The following LEF1 variants were observed in gnomAD, a reference collection of about 807,000 sequenced individuals.
LEF1 encodes the protein lymphoid enhancer binding factor 1.
LEF1 carries 14 observed loss-of-function variants against 51.2 expected under a neutral mutation model. The observed-to-expected ratio is 0.27, with a 90% confidence interval of 0.18 to 0.43. The LOEUF (loss-of-function observed/expected upper bound fraction) is 0.43, where lower values mean the gene tolerates loss of function less well. Ranked by LOEUF, LEF1 falls within the 20% of genes least tolerant of loss-of-function variation. The pLI is 1.00. For synonymous variants in LEF1, 185 were observed against 183.2 expected (o/e 1.01, Z -0.08); for missense variants, 386 against 512.0 (o/e 0.75, Z 2.37).
At chr4:108,079,105 A>G (rs143578160) in intron 7 of LEF1, among the ~76,000 whole-genome samples, 5 of 152,320 alleles carry the variant, frequency 3.3e-5, no homozygotes, top group Middle Eastern at 3.4e-3. Context: ...GGGTAACTGC[A>G]CTTCCAGAAG....
chr4:108,117,540 A>G (rs945388735), intron 3 of LEF1, among the ~76,000 whole-genome samples: 1 of 152,206 alleles, frequency 6.6e-6, no homozygotes, highest in Admixed American at 6.5e-5. Context: ...TGCTCAGAAA[A>G]TGGCTCCTAG....
At chr4:108,126,989 G>A (rs1158457272) in intron 3 of LEF1, among the ~76,000 whole-genome samples, 9 of 151,906 alleles carry the variant, frequency 5.9e-5, no homozygotes, top group African/African-American at 1.7e-4. Flanking sequence ...AATGAACAAC[G>A]TTCGATACAA....
intron 6 of LEF1, among the ~76,000 whole-genome samples, chr4:108,081,246 C>T (rs1057002406): frequency 2.0e-5 from 3 of 152,174 alleles, no homozygotes; most frequent in African/African-American, 4.8e-5. Context: ...ACCCCACCCC[C>T]GGCATATTTT....
intron 11 of LEF1, among the ~76,000 whole-genome samples, chr4:108,056,254 G>A (rs551148859): frequency 1.3e-5 from 2 of 152,356 alleles, no homozygotes; most frequent in South Asian, 2.1e-4. Context: ...GTCAATCTGG[G>A]AAGGGAAGGA....
chr4:108,092,933 A>C (rs1057117953), intron 3 of LEF1, among the ~76,000 whole-genome samples: 10 of 147,304 alleles, frequency 6.8e-5, no homozygotes, highest in East Asian at 3.9e-4. Context: ...AAAAAAAAAA[A>C]AAAAAAAAAA....
At chr4:108,061,121 C>T (rs998009561) in intron 11 of LEF1, among the ~76,000 whole-genome samples, 22 of 152,174 alleles carry the variant, frequency 1.4e-4, no homozygotes, top group African/African-American at 2.7e-4. Context: ...ATGACTGATC[C>T]GGGAATGAGA....
At chr4:108,132,340 A>G (rs188775816) in intron 3 of LEF1, among the ~76,000 whole-genome samples, 35 of 152,248 alleles carry the variant, frequency 2.3e-4, no homozygotes, top group Non-Finnish European at 2.1e-4. Context: ...TAAAGCACAT[A>G]CTTCCCAGAA....
intron 5 of LEF1, among the ~76,000 whole-genome samples, chr4:108,082,748 A>G (rs1739391212): frequency 1.3e-5 from 2 of 152,226 alleles, no homozygotes; most frequent in Non-Finnish European, 2.9e-5. Context: ...CATAATTGAA[A>G]AGATTTTGGA....
chr4:108,125,663 C>T (rs1742479899), intron 3 of LEF1, among the ~76,000 whole-genome samples: 1 of 151,136 alleles, frequency 6.6e-6, no homozygotes, highest in African/African-American at 2.4e-5. Context: ...GGGATTTTTA[C>T]AACTTTAAGT....
intron 11 of LEF1, among the ~76,000 whole-genome samples, chr4:108,057,243 C>A (rs1200203997): frequency 6.6e-6 from 1 of 152,066 alleles, no homozygotes; most frequent in Non-Finnish European, 1.5e-5. Context: ...TTAATTTTTA[C>A]CCTGAGACTT....
chr4:108,050,625 T>G (rs1179317740), intron 11 of LEF1, among the ~76,000 whole-genome samples: 3 of 152,236 alleles, frequency 2.0e-5, no homozygotes, highest in Non-Finnish European at 4.4e-5. Flanking sequence ...TTCAAAGGCT[T>G]GGTCCAGGTT....
chr4:108,096,396 G>A (rs376901990), intron 3 of LEF1, among the ~76,000 whole-genome samples: 4 of 152,144 alleles, frequency 2.6e-5, no homozygotes, highest in African/African-American at 9.7e-5. Context: ...GAATCCAATG[G>A]TTCATCTTTT....
chr4:108,133,473 T>C (rs1028541002), intron 3 of LEF1, among the ~76,000 whole-genome samples: 21 of 152,194 alleles, frequency 1.4e-4, no homozygotes, highest in African/African-American at 4.3e-4. Flanking sequence ...ATTCTCAGAA[T>C]GGGCCAGGGC....
chr4:108,109,985 C>G (rs1741421209), intron 3 of LEF1, among the ~76,000 whole-genome samples: 2 of 152,074 alleles, frequency 1.3e-5, no homozygotes, highest in Non-Finnish European at 2.9e-5. Context: ...ATTAGTTTCT[C>G]CCAGTATTTC....
chr4:108,131,558 G>A (rs998186569), intron 3 of LEF1, among the ~76,000 whole-genome samples: 1 of 152,042 alleles, frequency 6.6e-6, no homozygotes, highest in African/African-American at 2.4e-5. Context: ...CAGCATCAAA[G>A]CCAATCTCCA....
chr4:108,055,035 A>G (rs773087210), intron 11 of LEF1, among the ~76,000 whole-genome samples: 2 of 152,240 alleles, frequency 1.3e-5, no homozygotes, highest in Non-Finnish European at 2.9e-5. Context: ...AACTATCTCA[A>G]GGTATCACAG....
intron 1 of LEF1, 120 bp from the exon 2 acceptor site, chr4:108,165,283 T>G (rs1418980002): frequency 3.5e-6 from 3 of 861,270 alleles, no homozygotes; most frequent in Middle Eastern, 2.2e-4. Context: ...CAACTCTGTT[T>G]TATACTCTGA....
At position 108,129,017 on chromosome 4, in the gene LEF1, G is replaced by A. The variant is rs1172803814; in HGVS notation, c.414+34551C>T. On this transcript the variant is annotated intron_variant, in intron 3 of 11. Transcript: ENST00000265165. ...AAAAAATCAGGCCAGGAAAAATCCCGGAGAGGGTCCACTGGGCACCAGCTT... is the reference window on the plus strand; with the variant it reads ...AAAAAATCAGGCCAGGAAAAATCCCAGAGAGGGTCCACTGGGCACCAGCTT... 7.2e-5 allele frequency among the ~76,000 whole-genome samples: 11 copies of A among 152,266 alleles called. No homozygotes were observed. The South Asian group carries it at 1.5e-3, about 20-fold the overall frequency.
chr4:108,162,783 A>T (rs779201385), intron 3 of LEF1, among the ~76,000 whole-genome samples: 1 of 152,180 alleles, frequency 6.6e-6, no homozygotes, highest in Non-Finnish European at 1.5e-5. Context: ...TAATTCTAAG[A>T]GAGAACTCCA....
Sources: allele counts gnomAD v4.1 joint callset (sites outside exome capture counted in the v4.1 genomes callset), GRCh38; gene constraint gnomAD v4.1.1; transcripts MANE v1.5; gene names NCBI Gene and HGNC (gene_info 2026-07-23, HGNC 2026-07-21).